Variants in CCDC88C observed in about 807,000 individuals in gnomAD.
CCDC88C encodes the protein protein Daple.
In CCDC88C, 131 loss-of-function variants were observed where a neutral mutation model predicts 198.8. The ratio of observed to expected loss-of-function variants is 0.66; its 90% CI spans 0.57 to 0.76. The LOEUF (loss-of-function observed/expected upper bound fraction) is 0.76, where lower values mean the gene tolerates loss of function less well. Among genes scored for constraint, CCDC88C ranks in the 30% least tolerant of loss-of-function variants. The pLI is 0.00. For missense variants in CCDC88C, 2,553 were observed against 2,631.6 expected (o/e 0.97, Z 0.65); for synonymous variants, 1,166 against 1,114.7 (o/e 1.05, Z -0.92).
chr14:91,328,404 G>A (rs1291701195), intron 10 of CCDC88C, among the ~76,000 whole-genome samples: 3 of 152,192 alleles, frequency 2.0e-5, no homozygotes, highest in African/African-American at 7.2e-5. Flanking sequence ...ACCTGGCGAG[G>A]AGGAGTGGGA....
At chr14:91,310,007 C>T (rs1397064664) in intron 15 of CCDC88C, 21 bp from the exon 16 acceptor site, 4 of 1,571,426 alleles carry the variant, frequency 2.5e-6, no homozygotes, top group Non-Finnish European at 3.5e-6. Flanking sequence ...GGGGAGAGAG[C>T]ACTGGATAGG....
chr14:91,364,619 AGGGTTGGGGTG>A (rs1894446610), intron 3 of CCDC88C, among the ~76,000 whole-genome samples: 1 of 151,814 alleles, frequency 6.6e-6, no homozygotes, highest in Non-Finnish European at 1.5e-5. Context: ...CCCAAGGGGG[AGGGTTGGGGTG>A]GGCCAGGACC....
chr14:91,313,486 C>G lies in CCDC88C; in HGVS notation c.2330G>C (p.Ser777Thr), dbSNP rs1241825695. Residue 777 changes from serine (S) to threonine (T), a missense_variant, in exon 15 of 30, where the codon AGC becomes ACC. Coordinates refer to ENST00000389857, the MANE Select transcript of CCDC88C (RefSeq NM_001080414.4). The surrounding 1 kb of genome is among the most constrained non-coding windows in gnomAD (Gnocchi z 5.2). ...ENLRLQQSLE[S>T]SSHKTQTLES... is the part of the protein sequence containing the mutation. ...CAAGGTCTGCGTCTTGTGGCTGCTG[C>G]TCTCCAGGCTCTGCTGCAGCCGGAG... The G allele has an allele frequency of 6.2e-7, 1 of 1,607,276 alleles. No individual in the cohort carries two copies. Among genetic ancestry groups the G allele is most frequent in the African/African-American group, 1.3e-5 (1 of 75,062 alleles).
At chr14:91,356,661 G>A (rs557399529) in intron 4 of CCDC88C, among the ~76,000 whole-genome samples, 5 of 152,158 alleles carry the variant, frequency 3.3e-5, no homozygotes, top group African/African-American at 1.2e-4. Flanking sequence ...CAATGGGTGT[G>A]TTTTATAGCA....
At chr14:91,380,546 C>T (rs1326771380) in intron 3 of CCDC88C, among the ~76,000 whole-genome samples, 1 of 29,018 alleles carries the variant, frequency 3.4e-5, no homozygotes, top group Admixed American at 2.6e-4. Context: ...GCAAGATTGG[C>T]TCCATCTTTT....
At chr14:91,309,366 G>A (rs1371037471) in intron 16 of CCDC88C, among the ~76,000 whole-genome samples, 3 of 152,276 alleles carry the variant, frequency 2.0e-5, no homozygotes, top group East Asian at 1.9e-4. Flanking sequence ...ATTTTGGGAG[G>A]CTGAGGTGGG....
chr14:91,293,541 C>CTTCCCATCCTCACCTGCCACGGCCT (rs1567055813), intron 23 of CCDC88C, among the ~76,000 whole-genome samples: 1 of 98,904 alleles, frequency 1.0e-5, no homozygotes, highest in South Asian at 2.9e-4. Context: ...TGCCACGGCC[C>CTTCCCATCCTCACCTGCCACGGCCT]ACCTTCCTGT....
intron 29 of CCDC88C, among the ~76,000 whole-genome samples, chr14:91,276,242 G>C (rs999349371): frequency 1.3e-5 from 2 of 152,230 alleles, no homozygotes; most frequent in African/African-American, 4.8e-5. Flanking sequence ...TCAGGGGATG[G>C]GTTCTGTGGT....
chr14:91,345,882 C>T (rs1257689524), intron 4 of CCDC88C, among the ~76,000 whole-genome samples: 1 of 151,870 alleles, frequency 6.6e-6, no homozygotes, highest in Non-Finnish European at 1.5e-5. Context: ...CCTCAGTTTC[C>T]ACATCTATAA....
chr14:91,415,674 C>CA (rs1400141807), intron 2 of CCDC88C, among the ~76,000 whole-genome samples: 2 of 151,458 alleles, frequency 1.3e-5, no homozygotes, highest in African/African-American at 4.9e-5. Context: ...GAGCTGAGAT[C>CA]ACGCCATTGC....
At chr14:91,364,422 G>A (rs1158643762) in intron 3 of CCDC88C, among the ~76,000 whole-genome samples, 1 of 152,204 alleles carries the variant, frequency 6.6e-6, no homozygotes, top group Non-Finnish European at 1.5e-5. Flanking sequence ...CAAACCAAAA[G>A]AAGTCAATGA....
At position 91,381,010 on chromosome 14, in the gene CCDC88C, T is replaced by A. The variant is rs757690196; in HGVS notation, c.271-21299A>T. ...TAAGTAACTCTTCTAAGTGCCAAAC[T>A]GATGCCCCTTCCTGCAAGAAAAATG... On this transcript the variant is annotated intron_variant, in intron 3 of 29. Coordinates refer to ENST00000389857, the MANE Select transcript of CCDC88C (RefSeq NM_001080414.4). The surrounding 1 kb of genome is among the most constrained non-coding windows in gnomAD (Gnocchi z 4.2). 6.4e-4 allele frequency among the ~76,000 whole-genome samples: 98 copies of A among 152,338 alleles called. No individual in the cohort carries two copies. The highest frequency in any genetic ancestry group is 7.8e-4 in the Non-Finnish European group (53 of 68,032).
chr14:91,343,394 C>T (rs576788128), intron 5 of CCDC88C, among the ~76,000 whole-genome samples: 17 of 152,352 alleles, frequency 1.1e-4, no homozygotes, highest in African/African-American at 3.4e-4. Context: ...ATCCCCATCT[C>T]GCCTCCTGCC....
chr14:91,364,314 T>C (rs2139913374), intron 3 of CCDC88C, among the ~76,000 whole-genome samples: 1 of 152,298 alleles, frequency 6.6e-6, no homozygotes, highest in East Asian at 1.9e-4. Context: ...CTCCTTTAGG[T>C]TTGCTTTCGG....
chr14:91,416,651 C>A, intron 2 of CCDC88C, 87 bp downstream of exon 2: 2 of 980,506 alleles, frequency 2.0e-6, no homozygotes, highest in Non-Finnish European at 3.2e-6. Context: ...CCCACACACA[C>A]CCCGCCATGC....
chr14:91,346,050 A>G (rs774283726), intron 4 of CCDC88C, among the ~76,000 whole-genome samples: 2 of 152,226 alleles, frequency 1.3e-5, no homozygotes, highest in Non-Finnish European at 2.9e-5. Flanking sequence ...ACTGGGCTAC[A>G]GTGTCCCAAA....
intron 19 of CCDC88C, 111 bp downstream of exon 19, chr14:91,305,654 T>C (rs1213631753): frequency 9.7e-7 from 1 of 1,034,004 alleles, no homozygotes; most frequent in Admixed American, 2.8e-5. Context: ...AACTGCTTTG[T>C]GCTTTGATCT....
At chr14:91,315,832 G>A (rs779229680) in intron 13 of CCDC88C, 45 bp from the exon 14 acceptor site, 18 of 1,589,256 alleles carry the variant, frequency 1.1e-5, no homozygotes, top group Middle Eastern at 1.7e-4. Context: ...TCAGTCCTAC[G>A]AAGTGAACCA....
At chr14:91,309,002 G>C (rs1393785146) in intron 16 of CCDC88C, among the ~76,000 whole-genome samples, 1 of 152,186 alleles carries the variant, frequency 6.6e-6, no homozygotes, top group Non-Finnish European at 1.5e-5. Flanking sequence ...CAAGGCGGGA[G>C]GATCACTTGA....
Sources: allele counts gnomAD v4.1 joint callset (sites outside exome capture counted in the v4.1 genomes callset), GRCh38; gene constraint gnomAD v4.1.1; non-coding constraint Gnocchi (gnomAD v3.1); transcripts MANE v1.5; gene names NCBI Gene and HGNC (gene_info 2026-07-23, HGNC 2026-07-21).